The following SLC33A1 variants were observed in gnomAD, a reference collection of about 807,000 sequenced individuals.
The protein encoded by SLC33A1 is acetyl-coenzyme A transporter 1.
In SLC33A1, 20 loss-of-function variants were observed where a neutral mutation model predicts 50.0. That is an observed-to-expected ratio of 0.40 (90% CI 0.28 to 0.58). The LOEUF is 0.58. SLC33A1 is among the 20% of genes least tolerant of loss of function. The pLI is 0.44. For synonymous variants in SLC33A1, 265 were observed against 251.8 expected (o/e 1.05, Z -0.50); for missense variants, 476 against 657.0 (o/e 0.72, Z 3.01).
In SLC33A1 at chr3:155,832,977, C is replaced by T. The variant is rs367766230; in HGVS notation, c.1266+491G>A. The stretch of plus-strand genomic sequence containing the variant: ...AATAAGAAAGTCTCTTTCAGCCGGG[C>T]GCAGTGGCTTGCACCTGCATTCCCA... On this transcript the variant is annotated intron_variant, in intron 4 of 5. Coordinates refer to ENST00000643144, the MANE Select transcript of SLC33A1 (RefSeq NM_004733.4). 2.9e-4 allele frequency among the ~76,000 whole-genome samples: 44 copies of T among 151,536 alleles called. No homozygotes were observed. The South Asian group carries it at 4.0e-3, about 14-fold the overall frequency.
intron 2 of SLC33A1, among the ~76,000 whole-genome samples, chr3:155,840,970 C>G (rs771783528): frequency 6.6e-6 from 1 of 151,484 alleles, no homozygotes; most frequent in African/African-American, 2.4e-5. Context: ...GGTGACAGAG[C>G]GAGACTTTGT....
At chr3:155,830,787 A>G (rs1301167301) in intron 4 of SLC33A1, among the ~76,000 whole-genome samples, 1 of 152,176 alleles carries the variant, frequency 6.6e-6, no homozygotes, top group Non-Finnish European at 1.5e-5. Flanking sequence ...GAATATATAT[A>G]TTTTTCTCCT....
chr3:155,851,733 A>G (rs372607509), intron 1 of SLC33A1, among the ~76,000 whole-genome samples: 29 of 152,124 alleles, frequency 1.9e-4, no homozygotes, highest in African/African-American at 6.5e-4. Context: ...TGAATTATTC[A>G]TAAAGCAGGA....
chr3:155,838,392 C>G (rs1020994259), intron 2 of SLC33A1, among the ~76,000 whole-genome samples: 2 of 151,606 alleles, frequency 1.3e-5, no homozygotes, highest in Non-Finnish European at 2.9e-5. Flanking sequence ...TAAAAATTAG[C>G]TGGGTGGGTC....
intron 5 of SLC33A1, among the ~76,000 whole-genome samples, chr3:155,828,897 T>G (rs971441452): frequency 1.4e-5 from 1 of 71,668 alleles, no homozygotes; most frequent in Non-Finnish European, 2.3e-5. Flanking sequence ...GCCGAATATG[T>G]TTTTTTTTTT....
chr3:155,844,447 A>ATG (rs1753062149), intron 1 of SLC33A1, among the ~76,000 whole-genome samples: 1 of 29,178 alleles, frequency 3.4e-5, no homozygotes, highest in African/African-American at 1.6e-4. Context: ...ATATATATAT[A>ATG]TATATATATA....
intron 2 of SLC33A1, among the ~76,000 whole-genome samples, chr3:155,841,670 GTACT>G (rs1577469588): frequency 6.6e-6 from 1 of 151,900 alleles, no homozygotes; most frequent in Non-Finnish European, 1.5e-5. Flanking sequence ...TTTCCTTTCA[GTACT>G]TAAATAATTC....
At chr3:155,850,069 C>T (rs1035944272) in intron 1 of SLC33A1, among the ~76,000 whole-genome samples, 1 of 151,078 alleles carries the variant, frequency 6.6e-6, no homozygotes, top group Non-Finnish European at 1.5e-5. Context: ...AGTGCAGTGG[C>T]GCGATCTCAG....
At position 155,825,168 on chromosome 3, in the gene SLC33A1, G is replaced by C. The variant is rs1752173438; in HGVS notation, c.*3042C>G. ...GGTGGAAAGATCCTTTTTTGTTGTT[G>C]AGACAGGGTCTCACTCTGTCACCCA... On this transcript the variant is annotated 3_prime_UTR_variant, in exon 6 of 6. Transcript: ENST00000643144. The C allele has an allele frequency of 6.6e-6, 1 of 151,848 alleles. No homozygotes were observed. The highest frequency in any genetic ancestry group is 1.5e-5 in the Non-Finnish European group (1 of 67,986). 9.4% of individuals were successfully genotyped at this position (151,848 alleles called of 1,614,324 possible).
rs762008203 is a variant in SLC33A1 at position 155,828,373 on chromosome 3, C to A, written c.1487G>T (p.Cys496Phe). The A allele has an allele frequency of 1.1e-5, 17 of 1,596,470 alleles. No homozygotes were observed. Among genetic ancestry groups the A allele is most frequent in the Non-Finnish European group, 1.5e-5 (17 of 1,164,142 alleles). ...NCRTPDAVEL[C>F]KKLGGSCVTA... ...AACACATGAGCCACCCAGTTTTTTG[C>A]AAAGCTGTAAAAATAAAACTATAAT... The change falls in exon 6 of 6, where the codon TGC becomes TTC. Residue 496 changes from cysteine to phenylalanine, a missense_variant. Transcript: ENST00000643144.
chr3:155,847,266 C>A (rs1197072644), intron 1 of SLC33A1, among the ~76,000 whole-genome samples: 1 of 152,074 alleles, frequency 6.6e-6, no homozygotes, highest in Non-Finnish European at 1.5e-5. Flanking sequence ...ACATTTTAAG[C>A]CTAGACATGA....
rs1431310754 is a variant in SLC33A1 at position 155,851,179 on chromosome 3, C to T, written c.775+2044G>A. 6.6e-5 allele frequency among the ~76,000 whole-genome samples: 10 copies of T among 151,796 alleles called. No individual in the cohort carries two copies. The South Asian group carries it at 1.0e-3, about 16-fold the overall frequency. On this transcript the variant is annotated intron_variant, in intron 1 of 5. Transcript: ENST00000643144. ...TGGCTTGAACTAGAGAAGTGGAAAT[C>T]GCAGTGAGCTGAGGTCCTGCCACTG...
chr3:155,848,183 G>A (rs1208361944), intron 1 of SLC33A1, among the ~76,000 whole-genome samples: 1 of 152,100 alleles, frequency 6.6e-6, no homozygotes, highest in Non-Finnish European at 1.5e-5. Flanking sequence ...GCAGTGCAGT[G>A]GTTATTCACA....
chr3:155,848,354 A>G (rs1051285915), intron 1 of SLC33A1, among the ~76,000 whole-genome samples: 4 of 152,198 alleles, frequency 2.6e-5, no homozygotes, highest in African/African-American at 9.7e-5. Context: ...AGGAAATAAA[A>G]AAGGAATTTC....
chr3:155,838,841 C>G (rs112531013), intron 2 of SLC33A1, among the ~76,000 whole-genome samples: 4 of 151,648 alleles, frequency 2.6e-5, no homozygotes, highest in African/African-American at 9.7e-5. Flanking sequence ...CAGAGCAAGA[C>G]CTCATCTTAA....
At position 155,823,537 on chromosome 3, in the gene SLC33A1, G is replaced by C. The variant is rs1358396365; in HGVS notation, c.*4673C>G. ...ATACAAAAATAAGCTGGGCGTAGTA[G>C]TGCACATCTGTAGTCCCAGCTACTT... On this transcript the variant is annotated 3_prime_UTR_variant, in exon 6 of 6. Coordinates refer to ENST00000643144, the MANE Select transcript of SLC33A1 (RefSeq NM_004733.4). The C allele has an allele frequency of 6.6e-6, 1 of 152,156 alleles. No individual in the cohort carries two copies. The highest frequency in any genetic ancestry group is 2.4e-5 in the African/African-American group (1 of 41,416). The allele number at this position is 152,156 out of a possible 1,614,324, so 9.4% of individuals were successfully genotyped here.
chr3:155,846,128 A>C (rs1753162527), intron 1 of SLC33A1, among the ~76,000 whole-genome samples: 1 of 152,240 alleles, frequency 6.6e-6, no homozygotes, highest in Non-Finnish European at 1.5e-5. Flanking sequence ...AAGGTACAAT[A>C]GCTCGCACCT....
chr3:155,830,516 T>C (rs891945606), intron 4 of SLC33A1, among the ~76,000 whole-genome samples: 5 of 152,104 alleles, frequency 3.3e-5, no homozygotes, highest in African/African-American at 7.2e-5. Context: ...CAGGAAGTAC[T>C]GTAAATAGAA....
intron 2 of SLC33A1, among the ~76,000 whole-genome samples, chr3:155,841,921 T>C (rs373201389): frequency 2.0e-5 from 3 of 152,124 alleles, no homozygotes; most frequent in East Asian, 3.9e-4. Context: ...CTGATTCTTG[T>C]ATTTTTAGTA....
Sources: allele counts gnomAD v4.1 joint callset (sites outside exome capture counted in the v4.1 genomes callset), GRCh38; gene constraint gnomAD v4.1.1; transcripts MANE v1.5; gene names NCBI Gene and HGNC (gene_info 2026-07-23, HGNC 2026-07-21).